The following CHST15 variants were observed in gnomAD, a reference collection of about 807,000 sequenced individuals.
The protein encoded by CHST15 is B cell RAG associated protein (GALNAC4S-6ST).
A neutral mutation model predicts 53.6 loss-of-function variants in CHST15; 30 were observed. That is an observed-to-expected ratio of 0.56 (90% CI 0.42 to 0.76). The LOEUF (loss-of-function observed/expected upper bound fraction) is 0.76, where lower values mean the gene tolerates loss of function less well. Ranked by LOEUF, CHST15 falls within the 30% of genes least tolerant of loss-of-function variation. The probability of loss-of-function intolerance (pLI) is 0.00; values close to 1 mark genes in which losing one functional copy is unlikely to be tolerated. For missense variants in CHST15, 627 were observed against 740.5 expected (o/e 0.85, Z 1.78); for synonymous variants, 296 against 289.8 (o/e 1.02, Z -0.22).
intron 1 of CHST15, among the ~76,000 whole-genome samples, chr10:124,049,102 G>A (rs970172235): frequency 2.0e-5 from 3 of 152,160 alleles, no homozygotes; most frequent in African/African-American, 7.2e-5. Context: ...TGTTTTCTCA[G>A]CTCCTAGCAT....
chr10:124,015,983 C>A (rs1411942571), intron 6 of CHST15, among the ~76,000 whole-genome samples: 1 of 152,198 alleles, frequency 6.6e-6, no homozygotes, highest in East Asian at 1.9e-4. Context: ...CTGAGAAACA[C>A]ACCATGGCCC....
At chr10:124,088,736 G>A (rs1949515706) in intron 1 of CHST15, among the ~76,000 whole-genome samples, 1 of 152,090 alleles carries the variant, frequency 6.6e-6, no homozygotes, top group Non-Finnish European at 1.5e-5. Context: ...AAACCTATAG[G>A]GACGCAGCAC....
rs1946310387 is a variant in CHST15 at position 124,007,782 on chromosome 10, A to C, written c.*2367T>G. The C allele has an allele frequency of 9.7e-6, 12 of 1,231,728 alleles. No homozygotes were observed. In the East Asian group the frequency reaches 3.8e-4, roughly 39 times the overall value. The allele number at this position is 1,231,728 out of a possible 1,614,324, so 76.3% of individuals were successfully genotyped here. Reference sequence around the variant, plus strand: ...AACTGCGATTCACTTAACATACCTTACAGGACTAAGGGAGTACAATTTAAC... The same window carrying C: ...AACTGCGATTCACTTAACATACCTTCCAGGACTAAGGGAGTACAATTTAAC... On this transcript the variant is annotated 3_prime_UTR_variant, in exon 8 of 8. Transcript: ENST00000435907.
intron 7 of CHST15, 87 bp downstream of exon 7, chr10:124,012,246 C>T: frequency 6.8e-7 from 1 of 1,481,068 alleles, no homozygotes. Context: ...ACCCAGCTGA[C>T]CAGGTCTGCA....
chr10:124,068,596 G>A (rs935781724), intron 1 of CHST15, among the ~76,000 whole-genome samples: 1 of 152,130 alleles, frequency 6.6e-6, no homozygotes, highest in African/African-American at 2.4e-5. Flanking sequence ...AAATGCATCC[G>A]AAATGAATTA....
chr10:124,021,014 G>A (rs1946758360), intron 6 of CHST15: 2 of 1,428,924 alleles, frequency 1.4e-6, no homozygotes, highest in East Asian at 2.5e-5. Context: ...TCATCCTCCT[G>A]CTGAGGGAGG....
At chr10:124,082,994 G>T (rs1949299434) in intron 1 of CHST15, among the ~76,000 whole-genome samples, 1 of 152,172 alleles carries the variant, frequency 6.6e-6, no homozygotes, top group African/African-American at 2.4e-5. Context: ...ATTAAAAAAA[G>T]TTCTAAAATT....
In CHST15 at chr10:124,008,142, A is replaced by G; in HGVS notation, c.*2007T>C. ...TCTGTAAGAAGCAGAATTACACCAC[A>G]TGTTATTCACATGCATAGGAGTGCA... On this transcript the variant is annotated 3_prime_UTR_variant, in exon 8 of 8. Transcript: ENST00000435907. The G allele has an allele frequency of 8.1e-7, 1 of 1,230,966 alleles. No individual in the cohort carries two copies. Among genetic ancestry groups the G allele is most frequent in the Non-Finnish European group, 1.0e-6 (1 of 987,654 alleles). 76.3% of individuals were successfully genotyped at this position (1,230,966 alleles called of 1,614,324 possible).
intron 2 of CHST15, among the ~76,000 whole-genome samples, chr10:124,045,133 A>AAAAC (rs1564882311): frequency 5.5e-5 from 8 of 145,784 alleles, no homozygotes; most frequent in East Asian, 1.9e-4. Flanking sequence ...AAAAAAAAAA[A>AAAAC]AAAAAAAAAA....
intron 1 of CHST15, among the ~76,000 whole-genome samples, chr10:124,067,906 C>A (rs562822541): frequency 2.0e-5 from 3 of 152,268 alleles, no homozygotes; most frequent in South Asian, 4.1e-4. Flanking sequence ...GGAGCCACTG[C>A]GCCTGGCCTA....
intron 5 of CHST15, among the ~76,000 whole-genome samples, chr10:124,028,620 C>T (rs775224440): frequency 6.6e-6 from 1 of 152,242 alleles, no homozygotes; most frequent in Admixed American, 6.5e-5. Context: ...GCAGTTCCCA[C>T]AGGGACTCAT....
Position 124,024,163 on chromosome 10 carries a change from C to T in CHST15, c.1191-2751G>A, listed in dbSNP as rs528325232. ...CCCAGCCGCCATCCATACTTCCAAA[C>T]GCTCCCAGACCTTCAGCCACATACT... is the stretch of plus-strand genomic sequence containing the variant. On this transcript the variant is annotated intron_variant, in intron 5 of 7. Coordinates refer to ENST00000435907, the MANE Select transcript of CHST15 (RefSeq NM_001270764.2). This position sits in a 1 kb window ranked among gnomAD's most constrained non-coding sequence, Gnocchi z 4.0. Among the ~76,000 whole-genome samples the T allele has an allele frequency of 4.6e-5, 7 of 152,194 alleles. No individual in the cohort carries two copies. Among genetic ancestry groups the T allele is most frequent in the East Asian group, 3.9e-4 (2 of 5,194 alleles).
Position 124,010,086 on chromosome 10 carries a change from A to G in CHST15, c.*63T>C, listed in dbSNP as rs1291520772. On this transcript the variant is annotated 3_prime_UTR_variant, in exon 8 of 8. Transcript: ENST00000435907. ...GAGTGAAACAGTTCCCCGCAAAGAGATTTGTAAAATCCTGATGATGACGGC... is the reference window on the plus strand; with the variant it reads ...GAGTGAAACAGTTCCCCGCAAAGAGGTTTGTAAAATCCTGATGATGACGGC... 6.2e-7 allele frequency: 1 copy of G among 1,610,708 alleles called. No homozygotes were observed. The highest frequency in any genetic ancestry group is 1.3e-5 in the African/African-American group (1 of 74,966).
intron 5 of CHST15, among the ~76,000 whole-genome samples, chr10:124,026,320 A>G (rs188103398): frequency 6.6e-6 from 1 of 152,340 alleles, no homozygotes. Context: ...TTCAAGTAAC[A>G]AAGCTATCAT....
chr10:124,069,083 G>A (rs956228456), intron 1 of CHST15, among the ~76,000 whole-genome samples: 2 of 152,220 alleles, frequency 1.3e-5, no homozygotes, highest in Non-Finnish European at 2.9e-5. Flanking sequence ...AGGTGAAAAG[G>A]ACAGTCCCTT....
At chr10:124,071,871 C>T (rs1051424780) in intron 1 of CHST15, among the ~76,000 whole-genome samples, 2 of 152,156 alleles carry the variant, frequency 1.3e-5, no homozygotes, top group Non-Finnish European at 2.9e-5. Context: ...CATTCTTCGG[C>T]CGTCCTAGTC....
At chr10:124,057,517 G>A (rs78079081) in intron 1 of CHST15, among the ~76,000 whole-genome samples, 7,966 of 152,202 alleles carry the variant, frequency 0.052, 694 homozygotes, top group African/African-American at 0.18. Context: ...CAGCGTGTCC[G>A]TTCGTACAGA....
intron 1 of CHST15, among the ~76,000 whole-genome samples, chr10:124,061,154 A>C (rs1175451459): frequency 6.6e-6 from 1 of 152,182 alleles, no homozygotes; most frequent in East Asian, 1.9e-4. Flanking sequence ...CTCTCACTTC[A>C]TGGAGGATGG....
intron 1 of CHST15, among the ~76,000 whole-genome samples, chr10:124,053,040 G>C (rs933189407): frequency 1.3e-5 from 2 of 151,630 alleles, no homozygotes; most frequent in African/African-American, 4.9e-5. Context: ...CAAAAAAAAA[G>C]AGTCTCTGGC....
Sources: gnomAD v4.1 joint callset for allele counts (sites outside exome capture counted in the v4.1 genomes callset) on GRCh38, gnomAD v4.1.1 for gene constraint, Gnocchi (gnomAD v3.1) non-coding constraint, MANE v1.5 for transcripts, NCBI Gene and HGNC (gene_info 2026-07-23, HGNC 2026-07-21) for gene names.